The following TRANK1 variants were observed in gnomAD, a reference collection of about 807,000 sequenced individuals.
The protein encoded by TRANK1 is TPR and ankyrin repeat-containing protein 1.
Under a neutral mutation model 266.0 loss-of-function variants are expected in TRANK1, and 198 were observed. The ratio of observed to expected loss-of-function variants is 0.74; its 90% CI spans 0.66 to 0.84. TRANK1 has a LOEUF of 0.84. Among genes scored for constraint, TRANK1 ranks in the 40% least tolerant of loss-of-function variants. TRANK1 has a pLI of 0.00. For missense variants in TRANK1, 3,326 were observed against 3,634.6 expected, an observed-to-expected ratio of 0.92 and a Z score of 2.18; for synonymous variants, 1,396 against 1,384.1, an observed-to-expected ratio of 1.01 and a Z score of -0.19.
At chr3:36,833,944 T>A (rs1383365916) in intron 21 of TRANK1, 25 bp from the exon 22 acceptor site, 1 of 1,565,704 alleles carries the variant, frequency 6.4e-7, no homozygotes, top group Non-Finnish European at 8.6e-7. Context: ...GACACAAATG[T>A]CAACTTGCCA....
At chr3:36,921,094 C>T (rs1460706881) in intron 1 of TRANK1, among the ~76,000 whole-genome samples, 1 of 152,168 alleles carries the variant, frequency 6.6e-6, no homozygotes, top group African/African-American at 2.4e-5. Context: ...CTGAGTCACC[C>T]CCGGTCCCCT....
intron 7 of TRANK1, 44 bp from the exon 8 acceptor site, chr3:36,890,004 A>G (rs2079665407): frequency 1.3e-6 from 2 of 1,527,052 alleles, no homozygotes; most frequent in Admixed American, 2.0e-5. Flanking sequence ...CCACATACAG[A>G]AAGTCAGCAA....
At chr3:36,945,488 G>A (rs993225999), upstream of TRANK1, among the ~76,000 whole-genome samples, 2 of 152,200 alleles carry the variant, frequency 1.3e-5, no homozygotes, top group South Asian at 4.1e-4. Flanking sequence ...CCACTCTGGG[G>A]AGGCTGGGGG....
intron 11 of TRANK1, among the ~76,000 whole-genome samples, chr3:36,859,917 G>T (rs1194189160): frequency 6.6e-6 from 1 of 152,300 alleles, no homozygotes; most frequent in African/African-American, 2.4e-5. Flanking sequence ...AACACCTAAA[G>T]GCTCTGCAAG....
At chr3:36,938,195 G>GT (rs1232305763) in intron 1 of TRANK1, among the ~76,000 whole-genome samples, 1 of 151,814 alleles carries the variant, frequency 6.6e-6, no homozygotes, top group East Asian at 1.9e-4. Context: ...TAGCCTCTGG[G>GT]TTTTTTTGTT....
intron 1 of TRANK1, among the ~76,000 whole-genome samples, chr3:36,943,210 G>A (rs966921936): frequency 3.4e-5 from 5 of 149,062 alleles, no homozygotes; most frequent in African/African-American, 4.9e-5. Context: ...TGGGGGGAGG[G>A]AATAGAATGG....
At chr3:36,839,962 C>T (rs923184164) in intron 18 of TRANK1, among the ~76,000 whole-genome samples, 2 of 152,190 alleles carry the variant, frequency 1.3e-5, no homozygotes, top group African/African-American at 4.8e-5. Context: ...AGTCCTTTAG[C>T]AGGGTCAAAA....
intron 8 of TRANK1, among the ~76,000 whole-genome samples, chr3:36,881,391 G>A (rs1046458926): frequency 1.7e-4 from 26 of 152,094 alleles, no homozygotes; most frequent in Non-Finnish European, 3.4e-4. Flanking sequence ...AGAGCTTGCA[G>A]TGAGCAGAGA....
chr3:36,852,781 A>C (rs2079002335), intron 13 of TRANK1, among the ~76,000 whole-genome samples: 1 of 64,746 alleles, frequency 1.5e-5, no homozygotes, highest in South Asian at 3.9e-4. Context: ...CAATTAAAAA[A>C]AAAAAAAAAA....
At chr3:36,942,451 T>C in intron 1 of TRANK1, among the ~76,000 whole-genome samples, 1 of 127,878 alleles carries the variant, frequency 7.8e-6, no homozygotes, top group Admixed American at 1.0e-4. Flanking sequence ...AAGGCTGCAG[T>C]AGGGTTGCAG....
intron 2 of TRANK1, among the ~76,000 whole-genome samples, chr3:36,904,120 T>C (rs2079925698): frequency 6.6e-6 from 1 of 151,832 alleles, no homozygotes; most frequent in Admixed American, 6.6e-5. Context: ...CACACCCGGC[T>C]AATTTTTGTA....
At chr3:36,923,727 T>C (rs983054128) in intron 1 of TRANK1, among the ~76,000 whole-genome samples, 1 of 151,820 alleles carries the variant, frequency 6.6e-6, no homozygotes, top group Non-Finnish European at 1.5e-5. Context: ...CCTCTAAGCA[T>C]GGAGGCAACT....
Position 36,832,243 on chromosome 3 carries a change from G to A in TRANK1, c.7340C>T (p.Pro2447Leu), listed in dbSNP as rs754210711. ...LIKRCKEPLI[P>L]SIGNTVALLE... ...GAGGGCTACTGTGTTTCCAATGCTG[G>A]GGATGAGTGGTTCTTTGCACCTCTT... Residue 2447 changes from proline to leucine, a missense_variant, in exon 22 of 24, where the codon CCC (proline) becomes CTC (leucine). Physicochemically the swap from Pro to Leu is moderately conservative, Grantham distance 98 (BLOSUM62 -3). Coordinates refer to ENST00000645898, the MANE Select transcript of TRANK1 (RefSeq NM_001329998.2). 2 of 1,613,950 alleles carry A rather than the reference G, an allele frequency of 1.2e-6. No homozygotes were observed. The highest frequency in any genetic ancestry group is 3.3e-5 in the Admixed American group (2 of 60,018).
intron 1 of TRANK1, among the ~76,000 whole-genome samples, chr3:36,923,742 G>A (rs1398556757): frequency 6.6e-6 from 1 of 152,064 alleles, no homozygotes; most frequent in Non-Finnish European, 1.5e-5. Context: ...GCAACTGCAG[G>A]TCTCCGGCAG....
chr3:36,881,110 T>C lies in TRANK1; in HGVS notation c.908-6814A>G, dbSNP rs138915552. On this transcript the variant is annotated intron_variant, in intron 8 of 23. Coordinates refer to ENST00000645898, the MANE Select transcript of TRANK1 (RefSeq NM_001329998.2). ...TCAATATTTTTCCCCTTTAAAATAT[T>C]TTTTCCATTGAGATACAGCTCATAT... 3.3e-5 allele frequency among the ~76,000 whole-genome samples: 5 copies of C among 152,100 alleles called. No homozygotes were observed. In the East Asian group the frequency reaches 9.7e-4, roughly 29 times the overall value.
intron 1 of TRANK1, among the ~76,000 whole-genome samples, chr3:36,926,093 C>T (rs1458494618): frequency 1.3e-5 from 2 of 152,110 alleles, no homozygotes; most frequent in African/African-American, 4.8e-5. Flanking sequence ...TGACATATAC[C>T]CCCACACCAC....
intron 9 of TRANK1, among the ~76,000 whole-genome samples, chr3:36,865,586 C>T (rs957336699): frequency 6.6e-6 from 1 of 151,966 alleles, no homozygotes; most frequent in Non-Finnish European, 1.5e-5. Context: ...AGAAAACACC[C>T]ACTGGCTGGG....
At chr3:36,868,622 A>G (rs1235236138) in intron 9 of TRANK1, among the ~76,000 whole-genome samples, 2 of 152,226 alleles carry the variant, frequency 1.3e-5, no homozygotes, top group Non-Finnish European at 2.9e-5. Context: ...CTAAAAATGC[A>G]TGGAATAAGA....
intron 1 of TRANK1, among the ~76,000 whole-genome samples, chr3:36,922,993 T>C (rs899171898): frequency 6.6e-6 from 1 of 152,136 alleles, no homozygotes; most frequent in Non-Finnish European, 1.5e-5. Context: ...GGACACACAG[T>C]GCTCCTGTGC....
Sources: allele counts gnomAD v4.1 joint callset (sites outside exome capture counted in the v4.1 genomes callset), GRCh38; gene constraint gnomAD v4.1.1; transcripts MANE v1.5; gene names NCBI Gene and HGNC (gene_info 2026-07-23, HGNC 2026-07-21).